The following EFCAB8 variants were observed in gnomAD, a reference collection of about 807,000 sequenced individuals.
EFCAB8 encodes EF-hand calcium-binding domain-containing protein 8.
A neutral mutation model predicts 116.3 loss-of-function variants in EFCAB8; 100 were observed. The ratio of observed to expected loss-of-function variants is 0.86; its 90% CI spans 0.73 to 1.02. The LOEUF is 1.02. Ranked by LOEUF, EFCAB8 falls within the 50% of genes least tolerant of loss-of-function variation. The pLI is 0.00. For synonymous variants in EFCAB8, 558 were observed against 567.9 expected, an observed-to-expected ratio of 0.98 and a Z score of 0.25; for missense variants, 1,320 against 1,416.9, an observed-to-expected ratio of 0.93 and a Z score of 1.10.
rs1480351343 is a variant in EFCAB8 at position 32,906,827 on chromosome 20, C to T, written c.1157-16C>T. Reference sequence around the variant, plus strand: ...AGTGGAGGCCCCTGGGACTGACACCCACGTCTTGACCACAGTGACTGGTGG... The same window carrying T: ...AGTGGAGGCCCCTGGGACTGACACCTACGTCTTGACCACAGTGACTGGTGG... On this transcript the variant is annotated splice_polypyrimidine_tract_variant and intron_variant, in intron 12 of 26. Transcript: ENST00000400522. The T allele has an allele frequency of 4.6e-6, 6 of 1,301,360 alleles. No individual in the cohort carries two copies. In the East Asian group the frequency reaches 1.3e-4, roughly 27 times the overall value. 80.6% of individuals were successfully genotyped at this position (1,301,360 alleles called of 1,614,324 possible). A position where few individuals can be genotyped will look rare whatever the true frequency, so the allele number is the denominator to read the frequency against.
chr20:32,901,404 T>G (rs1986418005), intron 11 of EFCAB8, among the ~76,000 whole-genome samples: 1 of 152,276 alleles, frequency 6.6e-6, no homozygotes, highest in African/African-American at 2.4e-5. Flanking sequence ...AGAGCTGTCC[T>G]GGGTTGTATG....
chr20:32,875,740 C>T (rs1475309842), intron 3 of EFCAB8, among the ~76,000 whole-genome samples, 186 bp from the exon 4 acceptor site: 1 of 151,780 alleles, frequency 6.6e-6, no homozygotes, highest in Non-Finnish European at 1.5e-5. Flanking sequence ...AACTCCTGAC[C>T]TCAAGTGATC....
At chr20:32,894,532 C>T (rs1274414771) in intron 9 of EFCAB8, among the ~76,000 whole-genome samples, 1 of 152,198 alleles carries the variant, frequency 6.6e-6, no homozygotes, top group African/African-American at 2.4e-5. Flanking sequence ...ACTGTTTGGG[C>T]AGGAGTCCTT....
intron 11 of EFCAB8, among the ~76,000 whole-genome samples, chr20:32,902,325 A>G (rs1600403294): frequency 2.6e-5 from 4 of 152,104 alleles, no homozygotes; most frequent in Non-Finnish European, 5.9e-5. Flanking sequence ...GTGTTGTGGG[A>G]TGGAGGGACT....
chr20:32,923,430 G>A (rs762257026), intron 20 of EFCAB8, among the ~76,000 whole-genome samples: 2 of 152,046 alleles, frequency 1.3e-5, no homozygotes, highest in Non-Finnish European at 2.9e-5. Context: ...AGGTTGCAGT[G>A]AGCTGAGATC....
At chr20:32,906,075 A>G (rs934902490) in intron 11 of EFCAB8, among the ~76,000 whole-genome samples, 1 of 152,026 alleles carries the variant, frequency 6.6e-6, no homozygotes, top group Admixed American at 6.6e-5. Context: ...GATGCAGGAG[A>G]CAGCACCCTG....
chr20:32,955,659 G>C (rs752041765), intron 23 of EFCAB8, among the ~76,000 whole-genome samples: 12 of 152,202 alleles, frequency 7.9e-5, no homozygotes, highest in Non-Finnish European at 1.3e-4. Context: ...AGAAGGGCTT[G>C]AGAAGGGGGC....
intron 15 of EFCAB8, 106 bp from the exon 16 acceptor site, chr20:32,911,374 T>C: frequency 2.0e-6 from 2 of 1,013,200 alleles, no homozygotes; most frequent in Non-Finnish European, 2.7e-6. Flanking sequence ...CCTGAACGTC[T>C]GTTTTCTCAG....
chr20:32,921,361 T>TTGTGTG (rs71858676), intron 20 of EFCAB8, among the ~76,000 whole-genome samples: 14,899 of 129,058 alleles, frequency 0.12, 869 homozygotes, highest in African/African-American at 0.2. Context: ...CCCAGCTATT[T>TTGTGTG]TGTGTGTGTG....
chr20:32,898,898 C>G (rs1222472157), intron 11 of EFCAB8, among the ~76,000 whole-genome samples: 1 of 152,204 alleles, frequency 6.6e-6, no homozygotes, highest in Admixed American at 6.5e-5. Context: ...ACTTTCTCCT[C>G]TGTGACCCTC....
chr20:32,882,832 A>T (rs1023757656), intron 5 of EFCAB8, among the ~76,000 whole-genome samples: 9 of 151,978 alleles, frequency 5.9e-5, no homozygotes, highest in Admixed American at 5.2e-4. Flanking sequence ...AGTAGCTGGG[A>T]CTACAGGCGC....
chr20:32,961,012 G>A lies in EFCAB8; in HGVS notation c.3394-124G>A, dbSNP rs536816271. On this transcript the variant is annotated intron_variant, in intron 26 of 26. Transcript: ENST00000400522. Reference sequence around the variant, plus strand: ...GGTTAGTGGTAGCCACAGTCCTCTGGACACACGCCTTCTTGGCATGGGAAG... The same window carrying A: ...GGTTAGTGGTAGCCACAGTCCTCTGAACACACGCCTTCTTGGCATGGGAAG... 4.8e-4 allele frequency: 391 copies of A among 821,706 alleles called. 1 individual carries two copies. The African/African-American group carries it at 5.6e-3, about 12-fold the overall frequency. 50.9% of individuals were successfully genotyped at this position (821,706 alleles called of 1,614,324 possible). A position where few individuals can be genotyped will look rare whatever the true frequency, so the allele number is the denominator to read the frequency against.
chr20:32,874,141 A>G lies in EFCAB8; in HGVS notation c.209-1785A>G, dbSNP rs1260354625. 2.2e-3 allele frequency among the ~76,000 whole-genome samples: 331 copies of G among 151,382 alleles called. 2 individuals carry two copies. The highest frequency in any genetic ancestry group is 7.7e-3 in the African/African-American group (316 of 41,006). On this transcript the variant is annotated intron_variant, in intron 3 of 26. Coordinates refer to ENST00000400522, the MANE Select transcript of EFCAB8 (RefSeq NM_001143967.2). ...TCACCATGTTGCCCAGCCTGGTCTC[A>G]AACTCCTGGGCTCAAGCCTTCTGCC... is the stretch of plus-strand genomic sequence containing the variant.
chr20:32,862,863 C>A (rs1413953145), intron 1 of EFCAB8, among the ~76,000 whole-genome samples: 1 of 152,084 alleles, frequency 6.6e-6, no homozygotes, highest in Non-Finnish European at 1.5e-5. Flanking sequence ...GAACTGTTGA[C>A]CTCAGGCAAT....
chr20:32,914,489 T>C (rs1450071323), intron 17 of EFCAB8, among the ~76,000 whole-genome samples: 4 of 152,334 alleles, frequency 2.6e-5, no homozygotes, highest in South Asian at 4.1e-4. Flanking sequence ...GTTTTCACAC[T>C]GCTATAAAGA....
chr20:32,873,537 C>T (rs1309792639), intron 3 of EFCAB8, among the ~76,000 whole-genome samples: 5 of 151,816 alleles, frequency 3.3e-5, no homozygotes, highest in Non-Finnish European at 7.4e-5. Flanking sequence ...TTTCCTTCAG[C>T]CAAAGTTTAT....
chr20:32,878,580 C>CG (rs1985127540), intron 4 of EFCAB8, 124 bp from the exon 5 acceptor site: 1 of 609,236 alleles, frequency 1.6e-6, no homozygotes. Context: ...TGCAGTGGCG[C>CG]AATCTCGGCT....
At chr20:32,904,463 T>C (rs1836147071) in intron 11 of EFCAB8, among the ~76,000 whole-genome samples, 2 of 147,766 alleles carry the variant, frequency 1.4e-5, no homozygotes, top group African/African-American at 2.5e-5. Context: ...CACGCCCAGC[T>C]AATTTTTGTT....
intron 22 of EFCAB8, among the ~76,000 whole-genome samples, chr20:32,938,717 A>C (rs1988217542): frequency 6.7e-6 from 1 of 149,868 alleles, no homozygotes; most frequent in Non-Finnish European, 1.5e-5. Context: ...AATTTGGAAA[A>C]GTAGTGCAAA....
Sources: gnomAD v4.1 joint callset for allele counts (sites outside exome capture counted in the v4.1 genomes callset) on GRCh38, gnomAD v4.1.1 for gene constraint, MANE v1.5 for transcripts, NCBI Gene and HGNC (gene_info 2026-07-23, HGNC 2026-07-21) for gene names.